DEPDC4: variants seen among roughly 807,000 people sequenced by gnomAD.
DEPDC4 encodes DEP domain-containing protein 4.
In DEPDC4, 52 loss-of-function variants were observed where a neutral mutation model predicts 52.0. That is an observed-to-expected ratio of 1.00 (90% CI 0.80 to 1.26). The LOEUF (loss-of-function observed/expected upper bound fraction) is 1.26, where lower values mean the gene tolerates loss of function less well. DEPDC4 is among the 50% of genes most tolerant of loss of function. The pLI is 0.00. For synonymous variants in DEPDC4, 201 were observed against 196.8 expected (o/e 1.02, Z -0.18); for missense variants, 530 against 546.9 (o/e 0.97, Z 0.31).
intron 4 of DEPDC4, 142 bp downstream of exon 4, chr12:100,255,907 A>G (rs2153912462): frequency 1.7e-6 from 1 of 589,432 alleles, no homozygotes. Flanking sequence ...ATTAGATCAA[A>G]TGAGGATTCA....
upstream of DEPDC4, among the ~76,000 whole-genome samples, chr12:100,270,980 T>C (rs999083167): frequency 6.6e-6 from 1 of 152,094 alleles, no homozygotes; most frequent in African/African-American, 2.4e-5. Context: ...ATCAGGCTTG[T>C]CTTCTGTAAT....
the DEPDC4 span, among the ~76,000 whole-genome samples, chr12:100,277,625 A>G: frequency 2.2e-4 from 34 of 152,306 alleles, no homozygotes; most frequent in Admixed American, 5.2e-4. Flanking sequence ...TAAGCAGCAT[A>G]TAGTTAGGTC....
Position 100,252,169 on chromosome 12 carries a change from G to T in DEPDC4, c.1374+7C>A. The T allele has an allele frequency of 8.5e-7, 1 of 1,177,872 alleles. No individual in the cohort carries two copies. Among genetic ancestry groups the T allele is most frequent in the Non-Finnish European group, 1.1e-6 (1 of 946,450 alleles). The allele number at this position is 1,177,872 out of a possible 1,614,324, so 73.0% of individuals were successfully genotyped here. On this transcript the variant is annotated splice_region_variant and intron_variant, in intron 7 of 9. Transcript: ENST00000550587. ...ATAAATGTGCCCAGGCAAAATGCCA[G>T]AGATACCTTGAAGAGCTCAGAGTGG... is the stretch of plus-strand genomic sequence containing the variant.
At chr12:100,255,400 C>A (rs544345392) in intron 4 of DEPDC4, among the ~76,000 whole-genome samples, 1 of 152,226 alleles carries the variant, frequency 6.6e-6, no homozygotes, top group Non-Finnish European at 1.5e-5. Context: ...AACCTCTTCA[C>A]AAGATCTGAA....
chr12:100,263,143 G>A (rs1198862081), intron 2 of DEPDC4, among the ~76,000 whole-genome samples: 3 of 152,126 alleles, frequency 2.0e-5, no homozygotes, highest in East Asian at 3.8e-4. Context: ...TGTATTTTTA[G>A]TAGAAACGAG....
intron 4 of DEPDC4, among the ~76,000 whole-genome samples, chr12:100,254,336 T>G (rs2153911580): frequency 6.8e-6 from 1 of 147,262 alleles, no homozygotes; most frequent in Admixed American, 6.7e-5. Flanking sequence ...TTTTTTTTTT[T>G]TTTTTTTGAG....
chr12:100,239,653 G>A (rs2096150986), downstream of DEPDC4, among the ~76,000 whole-genome samples: 1 of 151,816 alleles, frequency 6.6e-6, no homozygotes, highest in South Asian at 2.1e-4. Context: ...CCAATGTGCT[G>A]GGATTATAGG....
At chr12:100,242,005 T>C in intron 9 of DEPDC4, 160 bp from the exon 10 acceptor site, 1 of 214,602 alleles carries the variant, frequency 4.7e-6, no homozygotes, top group Non-Finnish European at 8.1e-6. Flanking sequence ...GCTTTTACTT[T>C]AGCAAAACAT....
rs774444544 is a variant in DEPDC4 at position 100,244,095 on chromosome 12, GTATATATATATATATATA to G, written c.1454-1544_1454-1527del. On this transcript the variant is annotated intron_variant, in intron 8 of 9. Transcript: ENST00000550587. ...CCTCTCTCTCTCTCTCTCTCTCTGT[GTATATATATATATATATA>G]TATATATATATATATATATATACAC... Among the ~76,000 whole-genome samples the G allele has an allele frequency of 7.7e-5, 4 of 51,646 alleles. No individual in the cohort carries two copies. In the South Asian group the frequency reaches 2.2e-3, roughly 29 times the overall value. 33.9% of individuals were successfully genotyped at this position (51,646 alleles called of 152,430 possible). A position where few individuals can be genotyped will look rare whatever the true frequency, so the allele number is the denominator to read the frequency against.
chr12:100,264,016 T>C, intron 1 of DEPDC4, 123 bp from the exon 2 acceptor site: 1 of 810,698 alleles, frequency 1.2e-6, no homozygotes, highest in Non-Finnish European at 1.9e-6. Context: ...TTCTTACGTG[T>C]CATCTCACAT....
chr12:100,281,019 G>GTTTTTTT, the DEPDC4 span, among the ~76,000 whole-genome samples: 9 of 50,490 alleles, frequency 1.8e-4, no homozygotes, highest in African/African-American at 2.8e-4. Context: ...TACCATCAGT[G>GTTTTTTT]TTTTTTTTTT....
intron 4 of DEPDC4, 37 bp downstream of exon 4, chr12:100,256,012 G>T: frequency 6.6e-7 from 1 of 1,514,726 alleles, no homozygotes; most frequent in Non-Finnish European, 9.0e-7. Context: ...GAAAAAAACT[G>T]TTTACAAATT....
In DEPDC4 at chr12:100,263,515, T is replaced by G; in HGVS notation, c.536A>C (p.Glu179Ala). The G allele has an allele frequency of 6.3e-7, 1 of 1,591,810 alleles. No homozygotes were observed. Among genetic ancestry groups the G allele is most frequent in the Non-Finnish European group, 8.5e-7 (1 of 1,170,964 alleles). Reference sequence around the variant, plus strand: ...CACTAACCTCAAGGTTTCATTGAACTCATTCTCAGCATCCTTTTGTCTTTT... The same window carrying G: ...CACTAACCTCAAGGTTTCATTGAACGCATTCTCAGCATCCTTTTGTCTTTT... Reference protein sequence around the residue: ...CCKRQKDAENEFNETLRPGYE... With the variant: ...CCKRQKDAENAFNETLRPGYE... The change falls in exon 2 of 10, where the codon GAG becomes GCG. Residue 179 changes from glutamate (E) to alanine (A), a missense_variant. By Grantham distance (107) the Glu-to-Ala change is moderately radical. Transcript: ENST00000550587.
chr12:100,249,336 A>G (rs2153907762), intron 7 of DEPDC4, among the ~76,000 whole-genome samples: 1 of 152,326 alleles, frequency 6.6e-6, no homozygotes, highest in South Asian at 2.1e-4. Flanking sequence ...TCTAAAATAC[A>G]CTAAAATTAT....
intron 8 of DEPDC4, among the ~76,000 whole-genome samples, chr12:100,243,144 T>A (rs1210880457): frequency 6.6e-6 from 1 of 152,212 alleles, no homozygotes; most frequent in African/African-American, 2.4e-5. Context: ...GTAAAAGTTA[T>A]GTGAATGTGG....
At chr12:100,239,523 C>T (rs1273885060), downstream of DEPDC4, among the ~76,000 whole-genome samples, 1 of 152,040 alleles carries the variant, frequency 6.6e-6, no homozygotes, top group Non-Finnish European at 1.5e-5. Context: ...CTACAGGGTA[C>T]ACCACACTCT....
At chr12:100,245,676 A>G (rs897916957) in intron 8 of DEPDC4, among the ~76,000 whole-genome samples, 1 of 152,198 alleles carries the variant, frequency 6.6e-6, no homozygotes, top group African/African-American at 2.4e-5. Context: ...TGCATTGTAC[A>G]GGCCTACATA....
upstream of DEPDC4, among the ~76,000 whole-genome samples, chr12:100,271,154 A>T (rs2096287179): frequency 6.6e-6 from 1 of 151,420 alleles, no homozygotes; most frequent in South Asian, 2.1e-4. Flanking sequence ...CTTTTAAAAA[A>T]CTTCTAGTAA....
At chr12:100,244,095 G>GTGTATATA (rs1209030209) in intron 8 of DEPDC4, among the ~76,000 whole-genome samples, 1 of 51,646 alleles carries the variant, frequency 1.9e-5, no homozygotes, top group Admixed American at 3.1e-4. Flanking sequence ...CTCTCTCTGT[G>GTGTATATA]TATATATATA....
Sources: gnomAD v4.1 joint callset for allele counts (sites outside exome capture counted in the v4.1 genomes callset) on GRCh38, gnomAD v4.1.1 for gene constraint, MANE v1.5 for transcripts, NCBI Gene and HGNC (gene_info 2026-07-23, HGNC 2026-07-21) for gene names.